SKAP2: variants seen among roughly 807,000 people sequenced by gnomAD.
SKAP2 encodes the protein src kinase-associated phosphoprotein 2.
Under a neutral mutation model 54.9 loss-of-function variants are expected in SKAP2, and 28 were observed. The observed-to-expected ratio is 0.51, with a 90% confidence interval of 0.38 to 0.70. The LOEUF (loss-of-function observed/expected upper bound fraction) is 0.70, where lower values mean the gene tolerates loss of function less well. Ranked by LOEUF, SKAP2 falls within the 30% of genes least tolerant of loss-of-function variation. SKAP2 has a pLI of 0.00. For missense variants in SKAP2, 356 were observed against 424.1 expected, an observed-to-expected ratio of 0.84 and a Z score of 1.41; for synonymous variants, 137 against 134.3, an observed-to-expected ratio of 1.02 and a Z score of -0.14.
chr7:26,831,832 T>A (rs564503883), intron 4 of SKAP2, among the ~76,000 whole-genome samples: 2 of 152,126 alleles, frequency 1.3e-5, no homozygotes, highest in African/African-American at 4.8e-5. Flanking sequence ...TTAGTCACTC[T>A]AAAATAAATA....
chr7:26,695,685 G>A (rs536315846), intron 9 of SKAP2, among the ~76,000 whole-genome samples: 37 of 152,234 alleles, frequency 2.4e-4, no homozygotes, highest in South Asian at 8.3e-4. Flanking sequence ...TCATAGCATC[G>A]TATCTGAAGA....
At chr7:26,777,403 A>T (rs1783334107) in intron 4 of SKAP2, among the ~76,000 whole-genome samples, 1 of 152,168 alleles carries the variant, frequency 6.6e-6, no homozygotes, top group South Asian at 2.1e-4. Flanking sequence ...TGCTTTTGAT[A>T]AAATTTGCTA....
At chr7:26,768,535 C>T (rs1205100155) in intron 4 of SKAP2, among the ~76,000 whole-genome samples, 1 of 152,118 alleles carries the variant, frequency 6.6e-6, no homozygotes, top group Non-Finnish European at 1.5e-5. Context: ...TTAGTTGATG[C>T]AGTTTCTTCA....
intron 9 of SKAP2, among the ~76,000 whole-genome samples, chr7:26,702,806 G>A (rs1329873202): frequency 4.6e-5 from 7 of 152,208 alleles, no homozygotes; most frequent in Non-Finnish European, 7.3e-5. Flanking sequence ...AGCCTCACTT[G>A]TATTTTTCTA....
intron 1 of SKAP2, chr7:26,857,459 T>G: frequency 1.0e-6 from 1 of 985,246 alleles, no homozygotes; most frequent in Non-Finnish European, 1.2e-6. Flanking sequence ...ACCCGTTTCT[T>G]TTAGAATCGA....
chr7:26,717,889 T>A (rs939135061), intron 9 of SKAP2, among the ~76,000 whole-genome samples: 1 of 151,758 alleles, frequency 6.6e-6, no homozygotes, highest in African/African-American at 2.4e-5. Context: ...AATATTTTTT[T>A]AAAAGTGTCA....
chr7:26,835,910 G>C (rs1174230479), intron 4 of SKAP2, among the ~76,000 whole-genome samples: 2 of 152,108 alleles, frequency 1.3e-5, no homozygotes, highest in African/African-American at 4.8e-5. Flanking sequence ...AAAGAACAAA[G>C]CTGGAGGCAT....
chr7:26,724,343 T>C (rs1787650360), intron 9 of SKAP2, among the ~76,000 whole-genome samples: 1 of 152,152 alleles, frequency 6.6e-6, no homozygotes, highest in Non-Finnish European at 1.5e-5. Flanking sequence ...TCACTTCACC[T>C]ACCCCTCCCA....
At chr7:26,746,918 T>C (rs976848529) in intron 4 of SKAP2, among the ~76,000 whole-genome samples, 1 of 152,114 alleles carries the variant, frequency 6.6e-6, no homozygotes, top group Non-Finnish European at 1.5e-5. Context: ...ATTTAAAAGG[T>C]TTAATATTCA....
chr7:26,737,380 C>T (rs7810127), intron 6 of SKAP2, among the ~76,000 whole-genome samples: 111,147 of 152,128 alleles, frequency 0.73, 41,658 homozygotes, highest in African/African-American at 0.9. Context: ...ATTACTACAT[C>T]TGAACATACT....
intron 4 of SKAP2, among the ~76,000 whole-genome samples, chr7:26,744,344 G>T (rs749068824): frequency 3.9e-5 from 6 of 152,086 alleles, no homozygotes; most frequent in Non-Finnish European, 8.8e-5. Flanking sequence ...GACATTTCAG[G>T]TGTTAGGTTG....
intron 4 of SKAP2, among the ~76,000 whole-genome samples, chr7:26,796,269 T>C (rs1418173672): frequency 6.6e-6 from 1 of 152,242 alleles, no homozygotes; most frequent in Non-Finnish European, 1.5e-5. Flanking sequence ...AATAACATCA[T>C]AGCCATCTCC....
intron 4 of SKAP2, among the ~76,000 whole-genome samples, chr7:26,769,509 T>A (rs976678684): frequency 6.6e-6 from 1 of 152,078 alleles, no homozygotes; most frequent in African/African-American, 2.4e-5. Flanking sequence ...TGGCAAGGAG[T>A]TGTGATCCTT....
chr7:26,726,450 A>G (rs747169840), intron 7 of SKAP2, among the ~76,000 whole-genome samples: 5 of 152,172 alleles, frequency 3.3e-5, no homozygotes, highest in Non-Finnish European at 7.4e-5. Context: ...GCTGATAGCT[A>G]TTGAATTGCA....
chr7:26,685,597 C>T (rs1786619024), intron 10 of SKAP2, among the ~76,000 whole-genome samples: 1 of 152,176 alleles, frequency 6.6e-6, no homozygotes, highest in Admixed American at 6.6e-5. Flanking sequence ...GCTCATCCTT[C>T]TAACAGCATA....
rs568089090 is a variant in SKAP2 at position 26,777,227 on chromosome 7, A to G, written c.308-37263T>C. Among the ~76,000 whole-genome samples the G allele has an allele frequency of 8.5e-5, 13 of 152,264 alleles. No individual in the cohort carries two copies. The South Asian group carries it at 2.7e-3, about 32-fold the overall frequency. On this transcript the variant is annotated intron_variant, in intron 4 of 12. Coordinates refer to ENST00000345317, the MANE Select transcript of SKAP2 (RefSeq NM_003930.5). ...CTTCAACTCCAGAGGATGACACTCA[A>G]ATACCCTCCTGAATACGACAGAAAA... is the stretch of plus-strand genomic sequence containing the variant.
At chr7:26,679,245 T>C (rs1346494333) in intron 11 of SKAP2, among the ~76,000 whole-genome samples, 3 of 152,218 alleles carry the variant, frequency 2.0e-5, no homozygotes, top group Middle Eastern at 3.2e-3. Context: ...TTTGCTTTCA[T>C]CTGCCAACAT....
At chr7:26,669,914 T>C (rs1460563266) in intron 12 of SKAP2, among the ~76,000 whole-genome samples, 177 bp downstream of exon 12, 1 of 152,162 alleles carries the variant, frequency 6.6e-6, no homozygotes, top group Non-Finnish European at 1.5e-5. Context: ...AAAGTTTTTA[T>C]TTTAAAAATT....
chr7:26,736,672 A>T (rs1403437995), intron 6 of SKAP2, among the ~76,000 whole-genome samples: 1 of 152,230 alleles, frequency 6.6e-6, no homozygotes, highest in East Asian at 1.9e-4. Flanking sequence ...ATGAGATCCA[A>T]GAACCCTCTC....
Sources: gnomAD v4.1 joint callset for allele counts (sites outside exome capture counted in the v4.1 genomes callset) on GRCh38, gnomAD v4.1.1 for gene constraint, MANE v1.5 for transcripts, NCBI Gene and HGNC (gene_info 2026-07-23, HGNC 2026-07-21) for gene names.